The following FRMD3 variants were observed in gnomAD, a reference collection of about 807,000 sequenced individuals.
The protein encoded by FRMD3 is FERM domain containing 3, also known as FERM domain-containing protein 3.
In FRMD3, 33 loss-of-function variants were observed where a neutral mutation model predicts 70.2. That is an observed-to-expected ratio of 0.47 (90% CI 0.36 to 0.63). FRMD3 has a LOEUF of 0.63. Ranked by LOEUF, FRMD3 falls within the 20% of genes least tolerant of loss-of-function variation. The pLI is 0.00. For missense variants in FRMD3, 632 were observed against 711.4 expected (o/e 0.89, Z 1.27); for synonymous variants, 279 against 255.9 (o/e 1.09, Z -0.86).
intron 1 of FRMD3, among the ~76,000 whole-genome samples, chr9:83,442,220 T>C (rs1827319377): frequency 6.6e-6 from 1 of 151,530 alleles, no homozygotes; most frequent in Non-Finnish European, 1.5e-5. Flanking sequence ...TTTAAGTCCT[T>C]ACAAAAACCA....
chr9:83,472,446 C>A lies in FRMD3; in HGVS notation c.147+65639G>T, dbSNP rs1282384023. Among the ~76,000 whole-genome samples, 23 of 152,084 alleles carry A rather than the reference C, an allele frequency of 1.5e-4. 1 individual carries two copies. The highest frequency in any genetic ancestry group is 1.5e-3 in the Admixed American group (23 of 15,270). On this transcript the variant is annotated intron_variant, in intron 1 of 13. Transcript: ENST00000304195. Reference sequence around the variant, plus strand: ...GGAGTGAGTGGCTCACCCAGTCACCCCATGGGATCTGACATTTCCTGACTG... The same window carrying A: ...GGAGTGAGTGGCTCACCCAGTCACCACATGGGATCTGACATTTCCTGACTG...
At chr9:83,468,793 G>A (rs900938523) in intron 1 of FRMD3, among the ~76,000 whole-genome samples, 4 of 152,222 alleles carry the variant, frequency 2.6e-5, no homozygotes, top group Non-Finnish European at 5.9e-5. Flanking sequence ...TCAGCTATTG[G>A]AGAAGGGGAG....
chr9:83,464,690 C>T (rs1003546788), intron 1 of FRMD3, among the ~76,000 whole-genome samples: 2 of 152,098 alleles, frequency 1.3e-5, no homozygotes, highest in African/African-American at 4.8e-5. Flanking sequence ...GTGAGAGGGT[C>T]TCTCCCACTT....
intron 1 of FRMD3, among the ~76,000 whole-genome samples, chr9:83,432,391 C>T (rs771780740): frequency 3.3e-5 from 5 of 152,202 alleles, no homozygotes; most frequent in African/African-American, 4.8e-5. Context: ...TGGCAAGCAG[C>T]CACCAAGGCT....
chr9:83,435,993 TA>T (rs1420685372), intron 1 of FRMD3, among the ~76,000 whole-genome samples: 3 of 152,068 alleles, frequency 2.0e-5, no homozygotes, highest in African/African-American at 7.3e-5. Flanking sequence ...ACTAATTATT[TA>T]AAAAAGAGAA....
chr9:83,372,694 G>T (rs766831228), intron 3 of FRMD3, among the ~76,000 whole-genome samples: 4 of 152,060 alleles, frequency 2.6e-5, no homozygotes, highest in Non-Finnish European at 2.9e-5. Context: ...AGATGGGGGG[G>T]AGGGAGAGAG....
intron 1 of FRMD3, among the ~76,000 whole-genome samples, chr9:83,466,542 T>C (rs1587881879): frequency 6.6e-6 from 1 of 152,262 alleles, no homozygotes; most frequent in Middle Eastern, 3.4e-3. Context: ...TTAAACGCCA[T>C]GTGCTGAGCG....
intron 3 of FRMD3, among the ~76,000 whole-genome samples, chr9:83,360,838 G>A (rs1824559456): frequency 6.6e-6 from 1 of 152,156 alleles, no homozygotes; most frequent in South Asian, 2.1e-4. Context: ...AAAATTAAGG[G>A]TTTTTGTCAT....
At chr9:83,301,145 G>C (rs1564003574) in intron 10 of FRMD3, among the ~76,000 whole-genome samples, 1 of 150,148 alleles carries the variant, frequency 6.7e-6, no homozygotes, top group Non-Finnish European at 1.5e-5. Flanking sequence ...CCATGGCCCT[G>C]GGGGGGGCCC....
chr9:83,378,652 A>T (rs191511050), intron 2 of FRMD3, among the ~76,000 whole-genome samples: 1 of 130,840 alleles, frequency 7.6e-6, no homozygotes, highest in African/African-American at 2.9e-5. Context: ...TATATATTAT[A>T]TATAATATGT....
At chr9:83,566,191 T>C in the FRMD3 span, among the ~76,000 whole-genome samples, 1 of 152,052 alleles carries the variant, frequency 6.6e-6, no homozygotes, top group Non-Finnish European at 1.5e-5. Flanking sequence ...CCTTCTTACA[T>C]GGTGGCAGCA....
chr9:83,401,926 T>C lies in FRMD3; in HGVS notation c.148-12218A>G, dbSNP rs578212996. On this transcript the variant is annotated intron_variant, in intron 1 of 13. Transcript: ENST00000304195. ...GGGCTCAGTCCAACACTGGGTTTAA[T>C]TAGCATAGCAAGCTGGATTGGCCCT... Among the ~76,000 whole-genome samples, 3 of 152,274 alleles carry C rather than the reference T, an allele frequency of 2.0e-5. No homozygotes were observed. In the South Asian group the frequency reaches 6.2e-4, roughly 32 times the overall value.
At chr9:83,357,205 C>A (rs1170579830) in intron 3 of FRMD3, among the ~76,000 whole-genome samples, 11 of 73,400 alleles carry the variant, frequency 1.5e-4, no homozygotes, top group South Asian at 4.7e-4. Context: ...ATATATATAA[C>A]ATACATGGAA....
At chr9:83,452,317 A>ACCAT (rs1291313873) in intron 1 of FRMD3, among the ~76,000 whole-genome samples, 2 of 152,186 alleles carry the variant, frequency 1.3e-5, no homozygotes, top group African/African-American at 4.8e-5. Context: ...GCTCAAGCCC[A>ACCAT]TGTGTGAGGT....
chr9:83,437,786 C>T (rs1237012260), intron 1 of FRMD3, among the ~76,000 whole-genome samples: 1 of 152,208 alleles, frequency 6.6e-6, no homozygotes, highest in Non-Finnish European at 1.5e-5. Context: ...TGTGCACCTT[C>T]CTGATCCTAG....
At chr9:83,550,229 CA>C in the FRMD3 span, among the ~76,000 whole-genome samples, 14 of 152,024 alleles carry the variant, frequency 9.2e-5, no homozygotes. Context: ...TTGTTTTTGT[CA>C]GCTTTGTCAA....
chr9:83,260,686 G>A (rs1475262355), intron 13 of FRMD3, among the ~76,000 whole-genome samples: 2 of 152,024 alleles, frequency 1.3e-5, no homozygotes, highest in African/African-American at 2.4e-5. Flanking sequence ...TGGCTGTTGC[G>A]GGACTTAATG....
intron 1 of FRMD3, among the ~76,000 whole-genome samples, chr9:83,423,100 G>A (rs1411856769): frequency 6.6e-6 from 1 of 152,192 alleles, no homozygotes; most frequent in Non-Finnish European, 1.5e-5. Flanking sequence ...TCGATATTTT[G>A]AAGATATATA....
At position 83,357,221 on chromosome 9, in the gene FRMD3, ATATTT is replaced by A. The variant is rs374026694; in HGVS notation, c.296-7469_296-7465del. Among the ~76,000 whole-genome samples, 16 of 20,840 alleles carry A rather than the reference ATATTT, an allele frequency of 7.7e-4. 1 individual carries two copies. The highest frequency in any genetic ancestry group is 3.3e-3 in the South Asian group (2 of 602). 13.7% of individuals were successfully genotyped at this position (20,840 alleles called of 152,430 possible). ...TATATATAACATACATGGAATATAT[ATATTT>A]TATATATATATAATACATACATATA... is the stretch of plus-strand genomic sequence containing the variant. On this transcript the variant is annotated intron_variant, in intron 3 of 13. Coordinates refer to ENST00000304195, the MANE Select transcript of FRMD3 (RefSeq NM_174938.6).
Sources: gnomAD v4.1 joint callset for allele counts (sites outside exome capture counted in the v4.1 genomes callset) on GRCh38, gnomAD v4.1.1 for gene constraint, MANE v1.5 for transcripts, NCBI Gene and HGNC (gene_info 2026-07-23, HGNC 2026-07-21) for gene names.